The following MYH3 variants were observed in gnomAD, a reference collection of about 807,000 sequenced individuals.
MYH3 encodes myosin-3.
In MYH3, 130 loss-of-function variants were observed where a neutral mutation model predicts 238.0. The ratio of observed to expected loss-of-function variants is 0.55; its 90% confidence interval spans 0.47 to 0.63. MYH3 has a LOEUF of 0.63. MYH3 is among the 30% of genes least tolerant of loss of function. The pLI is 0.00. For missense variants in MYH3, 1,853 were observed against 2,374.9 expected (o/e 0.78, Z 4.57); for synonymous variants, 880 against 924.1 (o/e 0.95, Z 0.86).
Position 10,654,690 on chromosome 17 carries a change from A to G in MYH3, c.204+171T>C, listed in dbSNP as rs2074411552. 1.3e-5 allele frequency among the ~76,000 whole-genome samples: 2 copies of G among 152,158 alleles called. No homozygotes were observed. Among genetic ancestry groups the G allele is most frequent in the Non-Finnish European group, 2.9e-5 (2 of 68,024 alleles). ...TCCCACCCTGGAACCTGAGGCCAGT[A>G]TTCACTCTGCTTTCTCTGAGGATAC... On this transcript the variant is annotated intron_variant, in intron 3 of 40. Transcript: ENST00000583535. The surrounding 1 kb of genome is among the most constrained non-coding windows in gnomAD (Gnocchi z 4.5).
Position 10,642,779 on chromosome 17 carries a change from C to T in MYH3, c.1581+47G>A, listed in dbSNP as rs778770134. ...GGTAAATATGAGCTGCAGTAATGAG[C>T]AGAAGAGTCTATGAGAAGAGCTTAC... is the stretch of plus-strand genomic sequence containing the variant. On this transcript the variant is annotated intron_variant, in intron 15 of 40. Coordinates refer to ENST00000583535, the MANE Select transcript of MYH3 (RefSeq NM_002470.4). The surrounding 1 kb of genome is among the most constrained non-coding windows in gnomAD (Gnocchi z 5.4). 1 of 1,614,102 alleles carries T rather than the reference C, an allele frequency of 6.2e-7. No individual in the cohort carries two copies. Among genetic ancestry groups the T allele is most frequent in the Admixed American group, 1.7e-5 (1 of 60,008 alleles).
intron 22 of MYH3, 38 bp from the exon 23 acceptor site, chr17:10,639,840 TAAG>T: frequency 6.2e-7 from 1 of 1,612,436 alleles, no homozygotes; most frequent in Admixed American, 1.7e-5. Context: ...TTGAATGATA[TAAG>T]GTTTGCGACA....
chr17:10,669,621 A>G, the MYH3 span, among the ~76,000 whole-genome samples: 2 of 151,124 alleles, frequency 1.3e-5, no homozygotes, highest in Non-Finnish European at 2.9e-5. Flanking sequence ...AGTCATCTTC[A>G]GGTTGGGCAC....
At chr17:10,663,528 G>A in the MYH3 span, among the ~76,000 whole-genome samples, 7 of 152,028 alleles carry the variant, frequency 4.6e-5, no homozygotes, top group African/African-American at 1.7e-4. Context: ...AGCTCACAGG[G>A]GCCCAGGAAA....
chr17:10,646,369 G>A (rs2074321581), intron 10 of MYH3, among the ~76,000 whole-genome samples: 1 of 152,090 alleles, frequency 6.6e-6, no homozygotes, highest in Non-Finnish European at 1.5e-5. Flanking sequence ...AGCCAACCCA[G>A]GTGGTTTGGT....
At chr17:10,641,669 C>T (rs2074273941) in intron 17 of MYH3, among the ~76,000 whole-genome samples, 1 of 152,074 alleles carries the variant, frequency 6.6e-6, no homozygotes, top group African/African-American at 2.4e-5. Context: ...CATATGCCAC[C>T]ACACCTGGCT....
At position 10,654,783 on chromosome 17, in the gene MYH3, G is replaced by T. The variant is rs1253184359; in HGVS notation, c.204+78C>A. On this transcript the variant is annotated intron_variant, in intron 3 of 40. Transcript: ENST00000583535. The surrounding 1 kb of genome is among the most constrained non-coding windows in gnomAD (Gnocchi z 4.5). Reference sequence around the variant, plus strand: ...GGAACCACATCTGGAAGTGGCTGGGGTTGGGCAGATGCATACCCCAGGCAA... The same window carrying T: ...GGAACCACATCTGGAAGTGGCTGGGTTTGGGCAGATGCATACCCCAGGCAA... The T allele has an allele frequency of 7.4e-7, 1 of 1,349,586 alleles. No individual in the cohort carries two copies. The highest frequency in any genetic ancestry group is 1.4e-5 in the African/African-American group (1 of 69,570). 83.6% of individuals were successfully genotyped at this position (1,349,586 alleles called of 1,614,324 possible). A position where few individuals can be genotyped will look rare whatever the true frequency, so the allele number is the denominator to read the frequency against.
the MYH3 span, among the ~76,000 whole-genome samples, chr17:10,664,721 CTACCG>C: frequency 6.6e-6 from 1 of 152,126 alleles, no homozygotes; most frequent in East Asian, 1.9e-4. Context: ...CAGGTGGCGG[CTACCG>C]TCGCAGGCTG....
In MYH3 at chr17:10,639,984, C is replaced by A; in HGVS notation, c.2682+12G>T. On this transcript the variant is annotated intron_variant, in intron 22 of 40. Coordinates refer to ENST00000583535, the MANE Select transcript of MYH3 (RefSeq NM_002470.4). ...AGAGTTAAAAAAAAAAAAAAGATTG[C>A]TAAACACGTACAGCTTGTACTTGGA... 6.2e-7 allele frequency: 1 copy of A among 1,608,618 alleles called. No homozygotes were observed. Among genetic ancestry groups the A allele is most frequent in the Non-Finnish European group, 8.5e-7 (1 of 1,178,582 alleles).
At chr17:10,676,106 T>A in the MYH3 span, 3 of 152,158 alleles carry the variant, frequency 2.0e-5, no homozygotes, top group Non-Finnish European at 4.4e-5. Context: ...TTCTTTCTTT[T>A]TTGTTTTTTG....
chr17:10,652,124 A>T (rs2074381941), intron 4 of MYH3: 1 of 462,350 alleles, frequency 2.2e-6, no homozygotes. Flanking sequence ...AGGCACTGAG[A>T]CTCAAAAAGG....
upstream of MYH3, among the ~76,000 whole-genome samples, chr17:10,660,677 G>GAA (rs754663236): frequency 2.4e-3 from 211 of 88,736 alleles, 1 homozygote; most frequent in African/African-American, 0.014. Context: ...ACTCTGACTC[G>GAA]GAAAAAAAAA....
intron 32 of MYH3, 121 bp from the exon 33 acceptor site, chr17:10,633,836 G>A: frequency 6.6e-7 from 1 of 1,509,876 alleles, no homozygotes. Context: ...CTGCTTCCTA[G>A]AGATAAGATA....
In MYH3 at chr17:10,639,581, C is replaced by G; in HGVS notation, c.2904G>C (p.Glu968Asp). 6.2e-7 allele frequency: 1 copy of G among 1,614,166 alleles called. No homozygotes were observed. The highest frequency in any genetic ancestry group is 8.5e-7 in the Non-Finnish European group (1 of 1,180,034). The change falls in exon 23 of 41, where the codon GAG (glutamate) becomes GAC (aspartate). Residue 968 changes from glutamate to aspartate, a missense_variant. By Grantham distance (45) the Glu-to-Asp change is conservative. Coordinates refer to ENST00000583535, the MANE Select transcript of MYH3 (RefSeq NM_002470.4). Reference sequence around the variant, plus strand: ...ATACCTTGTTCTCTGTGGCATGCTTCTCCTTCTCAACCTTGGCCAGGGTCA... The same window carrying G: ...ATACCTTGTTCTCTGTGGCATGCTTGTCCTTCTCAACCTTGGCCAGGGTCA... The part of the protein sequence containing the change: ...LELTLAKVEK[E>D]KHATENKVKN...
chr17:10,672,365 T>C, the MYH3 span: 1 of 152,212 alleles, frequency 6.6e-6, no homozygotes, highest in African/African-American at 2.4e-5. Context: ...GGCTCAGCAA[T>C]ATAGATTACT....
chr17:10,634,242 A>C (rs1413009957), intron 31 of MYH3, 60 bp from the exon 32 acceptor site: 1 of 1,589,288 alleles, frequency 6.3e-7, no homozygotes, highest in East Asian at 2.2e-5. Context: ...TTCTAACAAA[A>C]TACTAAATAA....
chr17:10,659,905 T>C (rs2142441065), upstream of MYH3, among the ~76,000 whole-genome samples: 1 of 152,308 alleles, frequency 6.6e-6, no homozygotes, highest in Admixed American at 6.5e-5. Context: ...CCCACGGCAG[T>C]CTGGAGAGCA....
chr17:10,640,925 C>T (rs879595500), intron 19 of MYH3, among the ~76,000 whole-genome samples, 160 bp downstream of exon 19: 2 of 152,184 alleles, frequency 1.3e-5, no homozygotes, highest in Non-Finnish European at 2.9e-5. Flanking sequence ...ATGGAAGAAA[C>T]AAATATATAT....
Position 10,647,597 on chromosome 17 carries a change from T to C in MYH3, c.736-171A>G, listed in dbSNP as rs577995567. On this transcript the variant is annotated intron_variant, in intron 8 of 40. Coordinates refer to ENST00000583535, the MANE Select transcript of MYH3 (RefSeq NM_002470.4). Reference sequence around the variant, plus strand: ...GTCTCGCTCTGTCACCAGGCTGGAGTGCAGTGGCGTGATCTCGGCTCACTG... The same window carrying C: ...GTCTCGCTCTGTCACCAGGCTGGAGCGCAGTGGCGTGATCTCGGCTCACTG... 3.3e-5 allele frequency among the ~76,000 whole-genome samples: 5 copies of C among 152,352 alleles called. No individual in the cohort carries two copies. The South Asian group carries it at 6.2e-4, about 19-fold the overall frequency.
Sources: allele counts gnomAD v4.1 joint callset (sites outside exome capture counted in the v4.1 genomes callset), GRCh38; gene constraint gnomAD v4.1.1; non-coding constraint Gnocchi (gnomAD v3.1); transcripts MANE v1.5; gene names NCBI Gene and HGNC (gene_info 2026-07-23, HGNC 2026-07-21).